Variants in CSMD1 observed in about 807,000 individuals in gnomAD.
CSMD1 encodes CUB and Sushi multiple domains 1.
Under a neutral mutation model 417.5 loss-of-function variants are expected in CSMD1, and 213 were observed. The ratio of observed to expected loss-of-function variants is 0.51; its 90% CI spans 0.46 to 0.57. CSMD1 has a LOEUF of 0.57. Among genes scored for constraint, CSMD1 ranks in the 20% least tolerant of loss-of-function variants. CSMD1 has a pLI of 0.00. For missense variants in CSMD1, 6,923 were observed against 4,529.7 expected, an observed-to-expected ratio of 1.53 and a Z score of -15.17; for synonymous variants, 2,862 against 1,736.8, an observed-to-expected ratio of 1.65 and a Z score of -16.11.
chr8:3,963,454 G>A (rs1223406726), intron 5 of CSMD1, among the ~76,000 whole-genome samples: 2 of 152,078 alleles, frequency 1.3e-5, no homozygotes, highest in Non-Finnish European at 2.9e-5. Flanking sequence ...CCAACTTAAG[G>A]TGAATGAATG....
chr8:4,214,416 G>A (rs1030758978), intron 3 of CSMD1, among the ~76,000 whole-genome samples: 2 of 152,166 alleles, frequency 1.3e-5, no homozygotes, highest in African/African-American at 2.4e-5. Flanking sequence ...AAATGCCTCA[G>A]GCTTCTAAGT....
chr8:3,825,762 T>G (rs1020963071), intron 5 of CSMD1, among the ~76,000 whole-genome samples: 2 of 152,142 alleles, frequency 1.3e-5, no homozygotes, highest in African/African-American at 4.8e-5. Flanking sequence ...CCACATGAAC[T>G]GTGGAAATGT....
At chr8:3,266,876 G>C (rs943421844) in intron 26 of CSMD1, among the ~76,000 whole-genome samples, 2 of 152,036 alleles carry the variant, frequency 1.3e-5, no homozygotes, top group Non-Finnish European at 2.9e-5. Context: ...AGAGTGATGA[G>C]TGTAGAAACA....
chr8:3,335,058 G>A (rs550133395), intron 23 of CSMD1, among the ~76,000 whole-genome samples: 45 of 152,356 alleles, frequency 3.0e-4, no homozygotes, highest in Non-Finnish European at 5.6e-4. Context: ...TCATGGCAGA[G>A]TGAGAAGTAT....
chr8:3,751,911 CCTAA>C lies in CSMD1; in HGVS notation c.931+2015_931+2018del, dbSNP rs1315874703. Among the ~76,000 whole-genome samples, 5 of 152,264 alleles carry C rather than the reference CCTAA, an allele frequency of 3.3e-5. No individual in the cohort carries two copies. The East Asian group carries it at 9.7e-4, about 29-fold the overall frequency. On this transcript the variant is annotated intron_variant, in intron 6 of 69. Coordinates refer to ENST00000635120, the MANE Select transcript of CSMD1 (RefSeq NM_033225.6). ...TTTTAGAGACAAATCTGTTAATCAACCTAACTGACTATAGGATCAGTCCATTGGC... is the reference window on the plus strand; with the variant it reads ...TTTTAGAGACAAATCTGTTAATCAACCTGACTATAGGATCAGTCCATTGGC...
At chr8:4,229,720 C>A (rs986696740) in intron 3 of CSMD1, among the ~76,000 whole-genome samples, 1 of 152,046 alleles carries the variant, frequency 6.6e-6, no homozygotes, top group African/African-American at 2.4e-5. Context: ...CTTGCTTGAC[C>A]CACCCCATCC....
chr8:3,865,131 G>A (rs910227825), intron 5 of CSMD1, among the ~76,000 whole-genome samples: 2 of 152,286 alleles, frequency 1.3e-5, no homozygotes, highest in Admixed American at 6.5e-5. Context: ...CTCATCATTT[G>A]TTCTGTGTGT....
intron 3 of CSMD1, among the ~76,000 whole-genome samples, chr8:4,106,404 T>C (rs1801570666): frequency 6.6e-6 from 1 of 152,220 alleles, no homozygotes. Flanking sequence ...TGGTAAATAT[T>C]ATACAAGTCA....
intron 26 of CSMD1, among the ~76,000 whole-genome samples, chr8:3,230,991 G>A (rs1242997263): frequency 6.6e-6 from 1 of 152,120 alleles, no homozygotes; most frequent in Admixed American, 6.6e-5. Flanking sequence ...GTAATCATGT[G>A]TAAAGTGCAT....
intron 5 of CSMD1, among the ~76,000 whole-genome samples, chr8:3,767,349 C>G (rs1445061605): frequency 1.3e-5 from 2 of 152,252 alleles, no homozygotes; most frequent in Non-Finnish European, 2.9e-5. Context: ...TGGGTCCAAA[C>G]ACAACCATGT....
intron 25 of CSMD1, among the ~76,000 whole-genome samples, chr8:3,301,959 C>G (rs1301842455): frequency 5.3e-5 from 8 of 151,940 alleles, no homozygotes; most frequent in Admixed American, 4.6e-4. Context: ...AGTGTCTCGT[C>G]TAAAGAAATC....
Position 4,391,862 on chromosome 8 carries a change from T to C in CSMD1, c.415+28091A>G, listed in dbSNP as rs373986166. ...CCTGAGTCAATAGCCTCTGTTCTCA[T>C]CTGGGTATGTCCACCAGCTTCTGCC... On this transcript the variant is annotated intron_variant, in intron 3 of 69. Coordinates refer to ENST00000635120, the MANE Select transcript of CSMD1 (RefSeq NM_033225.6). Among the ~76,000 whole-genome samples the C allele has an allele frequency of 7.9e-5, 12 of 152,300 alleles. No homozygotes were observed. In the East Asian group the frequency reaches 1.9e-3, roughly 25 times the overall value.
chr8:4,356,415 A>G (rs1479571906), intron 3 of CSMD1, among the ~76,000 whole-genome samples: 1 of 152,166 alleles, frequency 6.6e-6, no homozygotes, highest in African/African-American at 2.4e-5. Context: ...GCAATTGTCA[A>G]TTGTGCTACT....
chr8:3,698,962 C>A (rs1800703935), intron 7 of CSMD1, among the ~76,000 whole-genome samples: 1 of 152,210 alleles, frequency 6.6e-6, no homozygotes, highest in South Asian at 2.1e-4. Context: ...GGCATCCAGG[C>A]TGATGAAGGT....
At chr8:3,469,743 T>A (rs1416479363) in intron 11 of CSMD1, among the ~76,000 whole-genome samples, 1 of 152,152 alleles carries the variant, frequency 6.6e-6, no homozygotes, top group Non-Finnish European at 1.5e-5. Flanking sequence ...ATCCTCACCT[T>A]AGGCAGTACA....
intron 7 of CSMD1, among the ~76,000 whole-genome samples, chr8:3,648,686 A>C (rs1797697937): frequency 6.6e-6 from 1 of 152,224 alleles, no homozygotes; most frequent in South Asian, 2.1e-4. Context: ...ACCAAATCCT[A>C]TAAAAATGGT....
chr8:3,359,346 G>A lies in CSMD1; in HGVS notation c.3116-6C>T, dbSNP rs1328399596. The stretch of plus-strand genomic sequence containing the variant: ...ACATGGCTCCAGGTCATATTCTGAG[G>A]CATGCAGAGACAGAGTAAATGCATG... On this transcript the variant is annotated splice_region_variant and splice_polypyrimidine_tract_variant and intron_variant, in intron 20 of 69. Transcript: ENST00000635120. The A allele has an allele frequency of 1.9e-6, 3 of 1,611,618 alleles. No individual in the cohort carries two copies. Among genetic ancestry groups the A allele is most frequent in the East Asian group, 2.2e-5 (1 of 44,824 alleles).
At chr8:4,042,156 C>G (rs942038288) in intron 3 of CSMD1, among the ~76,000 whole-genome samples, 1 of 152,058 alleles carries the variant, frequency 6.6e-6, no homozygotes, top group African/African-American at 2.4e-5. Context: ...TTTACTAAAA[C>G]AGTGAACTCA....
At chr8:3,127,824 G>C (rs934637953) in intron 41 of CSMD1, 1 of 147,684 alleles carries the variant, frequency 6.8e-6, no homozygotes, top group Non-Finnish European at 1.5e-5. Context: ...ACACAGAAAA[G>C]AAAGAGAGGA....
Sources: allele counts gnomAD v4.1 joint callset (sites outside exome capture counted in the v4.1 genomes callset), GRCh38; gene constraint gnomAD v4.1.1; transcripts MANE v1.5; gene names NCBI Gene and HGNC (gene_info 2026-07-23, HGNC 2026-07-21).